Variants in PAPPA2 observed in about 807,000 individuals in gnomAD.
PAPPA2 encodes the protein pappalysin 2.
A neutral mutation model predicts 176.4 loss-of-function variants in PAPPA2; 86 were observed. The ratio of observed to expected loss-of-function variants is 0.49; its 90% CI spans 0.41 to 0.58. The LOEUF is 0.58. Among genes scored for constraint, PAPPA2 ranks in the 20% least tolerant of loss-of-function variants. The pLI, the probability that PAPPA2 is intolerant of heterozygous loss-of-function variation, is 0.00. For missense variants in PAPPA2, 2,073 were observed against 2,256.9 expected, an observed-to-expected ratio of 0.92 and a Z score of 1.65; for synonymous variants, 809 against 852.2, an observed-to-expected ratio of 0.95 and a Z score of 0.88.
intron 14 of PAPPA2, among the ~76,000 whole-genome samples, chr1:176,758,128 G>A (rs567756970): frequency 2.0e-5 from 3 of 152,298 alleles, no homozygotes; most frequent in South Asian, 4.1e-4. Context: ...TCTATCATGC[G>A]AAGGAAGAAT....
intron 4 of PAPPA2, among the ~76,000 whole-genome samples, chr1:176,682,643 A>C (rs979764680): frequency 1.1e-4 from 12 of 108,024 alleles, no homozygotes; most frequent in Admixed American, 4.8e-4. Context: ...ATAAATTATT[A>C]GCTATAAAAA....
intron 2 of PAPPA2, among the ~76,000 whole-genome samples, chr1:176,575,122 C>T (rs765561943): frequency 2.0e-5 from 3 of 152,146 alleles, no homozygotes; most frequent in Non-Finnish European, 4.4e-5. Context: ...AAGGAAGCTT[C>T]CTTAGGAAGG....
At chr1:176,830,839 G>A (rs1667054742) in intron 21 of PAPPA2, among the ~76,000 whole-genome samples, 1 of 152,210 alleles carries the variant, frequency 6.6e-6, no homozygotes, top group South Asian at 2.1e-4. Context: ...TACTATGGAA[G>A]CCTGGCAATG....
chr1:176,634,479 T>C (rs1021879787), intron 3 of PAPPA2, among the ~76,000 whole-genome samples: 14 of 152,066 alleles, frequency 9.2e-5, no homozygotes, highest in Non-Finnish European at 8.8e-5. Context: ...TTAGGAGATA[T>C]ACCTAATGTA....
chr1:176,724,848 A>C (rs969672814), intron 12 of PAPPA2, among the ~76,000 whole-genome samples: 2 of 152,216 alleles, frequency 1.3e-5, no homozygotes, highest in Non-Finnish European at 2.9e-5. Context: ...ATTCTCATAC[A>C]AATTCTTACT....
chr1:176,786,689 G>C (rs1016742072), intron 17 of PAPPA2, among the ~76,000 whole-genome samples: 3 of 152,170 alleles, frequency 2.0e-5, no homozygotes, highest in Non-Finnish European at 4.4e-5. Flanking sequence ...CAGGAGGACC[G>C]GGGGCTTCTG....
At chr1:176,511,874 A>G (rs1184567566) in intron 1 of PAPPA2, among the ~76,000 whole-genome samples, 1 of 152,064 alleles carries the variant, frequency 6.6e-6, no homozygotes, top group Non-Finnish European at 1.5e-5. Context: ...TGAAACTTAC[A>G]CTATTGGGTT....
At position 176,594,508 on chromosome 1, in the gene PAPPA2, C is replaced by G; in HGVS notation, c.920-16C>G. 1.9e-6 allele frequency: 3 copies of G among 1,599,966 alleles called. No homozygotes were observed. The highest frequency in any genetic ancestry group is 2.6e-6 in the Non-Finnish European group (3 of 1,169,774). On this transcript the variant is annotated splice_polypyrimidine_tract_variant and intron_variant, in intron 2 of 22. Coordinates refer to ENST00000367662, the MANE Select transcript of PAPPA2 (RefSeq NM_020318.3). The stretch of plus-strand genomic sequence containing the variant: ...CTGGTATCTGTCTCTTCCCTCGATT[C>G]TTCCTTCTTTCCCAGGTGTGTTTGA...
chr1:176,689,972 T>C (rs1477508159), intron 4 of PAPPA2, among the ~76,000 whole-genome samples, 165 bp from the exon 5 acceptor site: 1 of 151,972 alleles, frequency 6.6e-6, no homozygotes, highest in East Asian at 1.9e-4. Flanking sequence ...GTTTAGAGGG[T>C]TTCTGTGGCA....
At chr1:176,615,367 G>A (rs1278076079) in intron 3 of PAPPA2, among the ~76,000 whole-genome samples, 5 of 152,216 alleles carry the variant, frequency 3.3e-5, no homozygotes, top group African/African-American at 1.2e-4. Context: ...CTGGAGTGCA[G>A]TGGCGCCATC....
At chr1:176,813,365 A>C (rs374870032) in intron 21 of PAPPA2, among the ~76,000 whole-genome samples, 1 of 152,308 alleles carries the variant, frequency 6.6e-6, no homozygotes, top group East Asian at 1.9e-4. Flanking sequence ...GAATTGCCAC[A>C]CTGTCTTCTA....
Position 176,779,509 on chromosome 1 carries a change from CACACACACACAG to C in PAPPA2, c.4715+8331_4715+8342del, listed in dbSNP as rs1356354390. On this transcript the variant is annotated intron_variant, in intron 17 of 22. Transcript: ENST00000367662. ...ACACACACACACACACACACACACACACACACACACAGAGAGAGAGAGAGAGAGAGAGGAGTG... is the reference window on the plus strand; with the variant it reads ...ACACACACACACACACACACACACACAGAGAGAGAGAGAGAGAGAGGAGTG... Among the ~76,000 whole-genome samples the C allele has an allele frequency of 3.4e-4, 51 of 149,378 alleles. No individual in the cohort carries two copies. The Middle Eastern group carries it at 0.022, about 64-fold the overall frequency.
chr1:176,641,081 T>C (rs1209064080), intron 3 of PAPPA2, among the ~76,000 whole-genome samples: 7 of 150,250 alleles, frequency 4.7e-5, no homozygotes, highest in African/African-American at 1.7e-4. Flanking sequence ...TTGTAGATTC[T>C]GGATATTAGC....
At chr1:176,637,583 C>T (rs1451414127) in intron 3 of PAPPA2, among the ~76,000 whole-genome samples, 1 of 152,084 alleles carries the variant, frequency 6.6e-6, no homozygotes, top group Non-Finnish European at 1.5e-5. Flanking sequence ...GGATACTGAA[C>T]CAGTGGAAAG....
Position 176,706,410 on chromosome 1 carries a change from C to T in PAPPA2, c.3417C>T (p.Cys1139=). ...GAGACCTTGTGAGCGGAGATGGCTG[C>T]TCCAAGGTGTGTGAGCTGGAGGAAG... ...DDGDLVSGDG[C]SKVCELEEGF... Residue 1139 remains cysteine, a synonymous_variant, in exon 10 of 23, where the codon TGC becomes TGT. Coordinates refer to ENST00000367662, the MANE Select transcript of PAPPA2 (RefSeq NM_020318.3). The T allele has an allele frequency of 6.2e-7, 1 of 1,613,818 alleles. No individual in the cohort carries two copies. Among genetic ancestry groups the T allele is most frequent in the Non-Finnish European group, 8.5e-7 (1 of 1,179,814 alleles).
chr1:176,653,999 A>C (rs1657892378), intron 3 of PAPPA2, among the ~76,000 whole-genome samples: 3 of 151,378 alleles, frequency 2.0e-5, no homozygotes, highest in African/African-American at 7.3e-5. Context: ...AAAATTTACT[A>C]TTCCTGTTCA....
At chr1:176,599,151 GTATA>G (rs1284878195) in intron 3 of PAPPA2, among the ~76,000 whole-genome samples, 1 of 150,568 alleles carries the variant, frequency 6.6e-6, no homozygotes, top group Non-Finnish European at 1.5e-5. Context: ...GTGTGTGTGT[GTATA>G]TATATATACA....
chr1:176,843,072 G>A lies in PAPPA2; in HGVS notation c.*618G>A, dbSNP rs1288240961. 1.3e-5 allele frequency: 2 copies of A among 151,708 alleles called. No individual in the cohort carries two copies. Among genetic ancestry groups the A allele is most frequent in the South Asian group, 2.1e-4 (1 of 4,802 alleles). The allele number at this position is 151,708 out of a possible 1,614,324, so 9.4% of individuals were successfully genotyped here. On this transcript the variant is annotated 3_prime_UTR_variant, in exon 23 of 23. Coordinates refer to ENST00000367662, the MANE Select transcript of PAPPA2 (RefSeq NM_020318.3). ...AATTATTCATTGTTCCACACATGCTGCTGTGAAGTTCACATTCAAGATGAA... is the reference window on the plus strand; with the variant it reads ...AATTATTCATTGTTCCACACATGCTACTGTGAAGTTCACATTCAAGATGAA...
intron 14 of PAPPA2, among the ~76,000 whole-genome samples, chr1:176,744,950 G>A (rs906161639): frequency 6.6e-6 from 1 of 152,152 alleles, no homozygotes; most frequent in East Asian, 1.9e-4. Flanking sequence ...GTATTCTTGT[G>A]AGATTGACTG....
Sources: allele counts gnomAD v4.1 joint callset (sites outside exome capture counted in the v4.1 genomes callset), GRCh38; gene constraint gnomAD v4.1.1; transcripts MANE v1.5; gene names NCBI Gene and HGNC (gene_info 2026-07-23, HGNC 2026-07-21).